Variants in RAPSN observed in about 807,000 individuals in gnomAD.
RAPSN encodes the protein receptor associated protein of the synapse.
RAPSN carries 33 observed loss-of-function variants against 45.7 expected under a neutral mutation model. The observed-to-expected ratio is 0.72, with a 90% confidence interval of 0.55 to 0.97. The LOEUF (loss-of-function observed/expected upper bound fraction) is 0.97. Ranked by LOEUF, RAPSN falls within the 50% of genes least tolerant of loss-of-function variation. RAPSN has a pLI of 0.00. For missense variants in RAPSN, 519 were observed against 559.4 expected (o/e 0.93, Z 0.73); for synonymous variants, 244 against 233.6 (o/e 1.04, Z -0.40).
intron 2 of RAPSN, among the ~76,000 whole-genome samples, chr11:47,447,282 C>G (rs2076414304): frequency 6.6e-6 from 1 of 152,194 alleles, no homozygotes; most frequent in African/African-American, 2.4e-5. Flanking sequence ...TTCTCCTAAC[C>G]ACTTGACTTC....
intron 6 of RAPSN, 42 bp downstream of exon 6, chr11:47,441,117 G>C (rs1273663903): frequency 6.2e-7 from 1 of 1,612,256 alleles, no homozygotes; most frequent in Non-Finnish European, 8.5e-7. Context: ...TTCCCCACTT[G>C]GGCCCTTGAC....
chr11:47,443,931 C>CAAAAAAAAAAA (rs1161231934), intron 2 of RAPSN, among the ~76,000 whole-genome samples: 47 of 13,958 alleles, frequency 3.4e-3, no homozygotes, highest in African/African-American at 4.2e-3. Flanking sequence ...CTCTGTCTCA[C>CAAAAAAAAAAA]AAAAAAAAAA....
Position 47,449,002 on chromosome 11 carries a change from G to T in RAPSN, c.-38C>A. Reference sequence around the variant, plus strand: ...CTGTGTCCCACGTGGGGTGATCCCTGGTGGCTCCGTGCCTCTAGGCACTCA... The same window carrying T: ...CTGTGTCCCACGTGGGGTGATCCCTTGTGGCTCCGTGCCTCTAGGCACTCA... On this transcript the variant is annotated 5_prime_UTR_variant, in exon 1 of 8. Coordinates refer to ENST00000298854, the MANE Select transcript of RAPSN (RefSeq NM_005055.5). 6.2e-7 allele frequency: 1 copy of T among 1,611,916 alleles called. No homozygotes were observed.
Position 47,437,983 on chromosome 11 carries a change from A to T in RAPSN, c.1231T>A (p.Phe411Ile), listed in dbSNP as rs2076326242. The change falls in exon 8 of 8, where the codon TTT (phenylalanine) becomes ATT (isoleucine). Residue 411 changes from phenylalanine (F) to isoleucine (I), a missense_variant. By Grantham distance (21) the Phe-to-Ile change is conservative (BLOSUM62 0). Transcript: ENST00000298854. The stretch of plus-strand genomic sequence containing the variant: ...ACGCCTGCTGCCAGGAGTCATACAA[A>T]GCCAGGCTTCATGGATGAGCGGCGG... The part of the protein sequence containing the change: ...NCRRSSMKPG[F>I]V 20 of 1,550,848 alleles carry T rather than the reference A, an allele frequency of 1.3e-5. No homozygotes were observed. Among genetic ancestry groups the T allele is most frequent in the Non-Finnish European group, 1.7e-5 (20 of 1,146,984 alleles).
At position 47,438,913 on chromosome 11, in the gene RAPSN, G is replaced by A. The variant is rs772147307; in HGVS notation, c.985C>T (p.His329Tyr). 9.0e-6 allele frequency: 14 copies of A among 1,559,486 alleles called. No individual in the cohort carries two copies. In the East Asian group the frequency reaches 3.1e-4, roughly 34 times the overall value. Residue 329 changes from histidine (H) to tyrosine (Y), a missense_variant, in exon 7 of 8, where the codon CAC becomes TAC. Transcript: ENST00000298854. ...VGNKLSQLKL[H>Y]CLSESIYRSK... ...CGGTAAATGCTCTCGCTCAGACAGTGCAGCTTGAGCTGGCTCAGCTGGGGC... is the reference window on the plus strand; with the variant it reads ...CGGTAAATGCTCTCGCTCAGACAGTACAGCTTGAGCTGGCTCAGCTGGGGC...
intron 7 of RAPSN, 145 bp from the exon 8 acceptor site, chr11:47,438,192 C>T: frequency 1.0e-6 from 1 of 992,952 alleles, no homozygotes; most frequent in Non-Finnish European, 1.5e-6. Context: ...GAACGGTCCC[C>T]CCAGGCTCCC....
At chr11:47,441,364 T>C (rs2076360602) in intron 5 of RAPSN, 152 bp from the exon 6 acceptor site, 2 of 1,213,556 alleles carry the variant, frequency 1.6e-6, no homozygotes, top group Non-Finnish European at 1.2e-6. Context: ...GGCACAGTCA[T>C]AGGGGCTGTG....
intron 4 of RAPSN, 22 bp downstream of exon 4, chr11:47,441,801 C>A: frequency 6.4e-7 from 1 of 1,555,794 alleles, no homozygotes; most frequent in African/African-American, 1.3e-5. Flanking sequence ...TGCCCCCAGC[C>A]CCTGCATCCC....
At chr11:47,447,726 G>GA in intron 2 of RAPSN, 86 bp downstream of exon 2, 4 of 1,414,580 alleles carry the variant, frequency 2.8e-6, no homozygotes. Context: ...AAGGAGGGCT[G>GA]AATGAGGTAG....
chr11:47,442,818 C>T lies in RAPSN; in HGVS notation c.532-4G>A, dbSNP rs553983766. The T allele has an allele frequency of 6.2e-7, 1 of 1,613,974 alleles. No individual in the cohort carries two copies. ...AGAACAGGGCTTTCTCGTAGTCCTG[C>T]AGGGGACATGGAATGGAAGGAGGCA... On this transcript the variant is annotated splice_region_variant and splice_polypyrimidine_tract_variant and intron_variant, in intron 2 of 7. Coordinates refer to ENST00000298854, the MANE Select transcript of RAPSN (RefSeq NM_005055.5).
At chr11:47,446,030 G>A (rs974881474) in intron 2 of RAPSN, among the ~76,000 whole-genome samples, 4 of 151,730 alleles carry the variant, frequency 2.6e-5, no homozygotes, top group Non-Finnish European at 4.4e-5. Flanking sequence ...CTGGGCTCAA[G>A]CGATCCTCCC....
At chr11:47,443,731 G>A (rs2076382516) in intron 2 of RAPSN, among the ~76,000 whole-genome samples, 1 of 151,870 alleles carries the variant, frequency 6.6e-6, no homozygotes, top group South Asian at 2.1e-4. Flanking sequence ...ATAGGAGTTG[G>A]AGAATGGCCT....
In RAPSN at chr11:47,449,006, G is replaced by C. The variant is rs752309316; in HGVS notation, c.-42C>G. On this transcript the variant is annotated 5_prime_UTR_variant, in exon 1 of 8. Coordinates refer to ENST00000298854, the MANE Select transcript of RAPSN (RefSeq NM_005055.5). ...GTCCCACGTGGGGTGATCCCTGGTG[G>C]CTCCGTGCCTCTAGGCACTCATGGG... The C allele has an allele frequency of 6.2e-6, 10 of 1,612,482 alleles. No individual in the cohort carries two copies. In the Admixed American group the frequency reaches 1.0e-4, roughly 16 times the overall value.
intron 2 of RAPSN, among the ~76,000 whole-genome samples, chr11:47,445,073 C>CA (rs2076394492): frequency 1.4e-5 from 2 of 143,748 alleles, no homozygotes; most frequent in South Asian, 2.3e-4. Context: ...AATACACACA[C>CA]AAAAAAAATT....
chr11:47,442,532 C>A, intron 3 of RAPSN, 124 bp downstream of exon 3: 4 of 1,148,372 alleles, frequency 3.5e-6, no homozygotes, highest in Admixed American at 2.5e-5. Context: ...AGAGGCTGGG[C>A]CAGAGGCAAG....
At chr11:47,445,929 CTTT>C (rs759897915) in intron 2 of RAPSN, among the ~76,000 whole-genome samples, 1 of 144,606 alleles carries the variant, frequency 6.9e-6, no homozygotes, top group Admixed American at 7.0e-5. Context: ...CACACTTGGG[CTTT>C]TTTTTTTTTT....
chr11:47,443,931 CAAAAAAAAAAAAA>C (rs1161231934), intron 2 of RAPSN, among the ~76,000 whole-genome samples: 84 of 13,954 alleles, frequency 6.0e-3, no homozygotes, highest in Non-Finnish European at 1.6e-3. Context: ...CTCTGTCTCA[CAAAAAAAAAAAAA>C]AAAAAAAAAA....
chr11:47,444,340 T>C (rs573710481), intron 2 of RAPSN, among the ~76,000 whole-genome samples: 1 of 151,772 alleles, frequency 6.6e-6, no homozygotes, highest in East Asian at 1.9e-4. Flanking sequence ...GAGTTCAAGA[T>C]CAGCCTGGGC....
At position 47,441,222 on chromosome 11, in the gene RAPSN, G is replaced by A. The variant is rs1565683645; in HGVS notation, c.913-10C>T. ...CGATGGCATCCAGAGCCTGGAAGGT[G>A]AGCATAGGCCAGGGCTGCGGGCAGA... On this transcript the variant is annotated splice_polypyrimidine_tract_variant and intron_variant, in intron 5 of 7. Transcript: ENST00000298854. 6 of 1,613,650 alleles carry A rather than the reference G, an allele frequency of 3.7e-6. No homozygotes were observed. The highest frequency in any genetic ancestry group is 5.1e-6 in the Non-Finnish European group (6 of 1,180,016).
Sources: gnomAD v4.1 joint callset for allele counts (sites outside exome capture counted in the v4.1 genomes callset) on GRCh38, gnomAD v4.1.1 for gene constraint, MANE v1.5 for transcripts, NCBI Gene and HGNC (gene_info 2026-07-23, HGNC 2026-07-21) for gene names.